ZNF280B: variants seen among roughly 807,000 people sequenced by gnomAD.
The protein encoded by ZNF280B is suppressor of hairy wing homolog 2.
In ZNF280B, 16 loss-of-function variants were observed where a neutral mutation model predicts 38.0. That is an observed-to-expected ratio of 0.42 (90% CI 0.28 to 0.64). The LOEUF (loss-of-function observed/expected upper bound fraction) is 0.64. ZNF280B is among the 30% of genes least tolerant of loss of function. ZNF280B has a pLI of 0.21. For missense variants in ZNF280B, 581 were observed against 639.6 expected (o/e 0.91, Z 0.99); for synonymous variants, 253 against 230.6 (o/e 1.10, Z -0.88).
At chr22:22,496,845 T>G (rs1601717013) in intron 2 of ZNF280B, among the ~76,000 whole-genome samples, 3 of 139,362 alleles carry the variant, frequency 2.2e-5, no homozygotes, top group Admixed American at 7.6e-5. Flanking sequence ...GAGATGGGAG[T>G]CTCGCTCTGT....
chr22:22,495,859 T>C (rs1371129875), intron 2 of ZNF280B, among the ~76,000 whole-genome samples: 1 of 151,368 alleles, frequency 6.6e-6, no homozygotes, highest in Non-Finnish European at 1.5e-5. Context: ...AGTGGCACAG[T>C]CTTGTGCACA....
chr22:22,485,341 G>A lies in ZNF280B; in HGVS notation c.*2426C>T, dbSNP rs913825456. On this transcript the variant is annotated 3_prime_UTR_variant, in exon 4 of 4. Transcript: ENST00000626650. ...AAGTCTGTAGATCTATTTATACACA[G>A]TGGGAGTATCTACCTGAGACAAGAA... 6.6e-6 allele frequency: 1 copy of A among 151,896 alleles called. No individual in the cohort carries two copies. The highest frequency in any genetic ancestry group is 1.5e-5 in the Non-Finnish European group (1 of 67,998). The allele number at this position is 151,896 out of a possible 1,614,324, so 9.4% of individuals were successfully genotyped here.
chr22:22,500,733 C>T (rs546554545), intron 2 of ZNF280B, among the ~76,000 whole-genome samples: 8 of 151,700 alleles, frequency 5.3e-5, no homozygotes, highest in Non-Finnish European at 2.9e-5. Context: ...GTGGCAGGCA[C>T]CTATAAACCC....
rs1047342423 is a variant in ZNF280B at position 22,508,698 on chromosome 22, C to T, written c.-287G>A. ...TGCTGTTCGCGAGCTGCCGGCCACG[C>T]ACCAGCCCCGGAGGCGCTCCCGGGG... On this transcript the variant is annotated 5_prime_UTR_variant, in exon 1 of 4. Transcript: ENST00000626650. 5 of 151,958 alleles carry T rather than the reference C, an allele frequency of 3.3e-5. No individual in the cohort carries two copies. Among genetic ancestry groups the T allele is most frequent in the Admixed American group, 2.0e-4 (3 of 15,260 alleles). The allele number at this position is 151,958 out of a possible 1,614,324, so 9.4% of individuals were successfully genotyped here.
intron 3 of ZNF280B, among the ~76,000 whole-genome samples, chr22:22,492,639 C>G (rs1351506940): frequency 6.6e-6 from 1 of 151,904 alleles, no homozygotes; most frequent in Non-Finnish European, 1.5e-5. Context: ...GTAATCCCAG[C>G]ACTTTGGGAG....
At chr22:22,506,932 C>A (rs572027529) in intron 2 of ZNF280B, among the ~76,000 whole-genome samples, 2 of 152,034 alleles carry the variant, frequency 1.3e-5, no homozygotes, top group East Asian at 3.9e-4. Context: ...AGCCCTCTCC[C>A]ACTAACAGGG....
intron 3 of ZNF280B, among the ~76,000 whole-genome samples, chr22:22,491,175 T>C (rs1378562131): frequency 6.6e-6 from 1 of 151,814 alleles, no homozygotes; most frequent in East Asian, 2.0e-4. Context: ...TCAATAAATA[T>C]CGACTCTCCT....
intron 2 of ZNF280B, among the ~76,000 whole-genome samples, chr22:22,499,360 G>A (rs2146823951): frequency 6.6e-6 from 1 of 151,820 alleles, no homozygotes; most frequent in East Asian, 2.0e-4. Flanking sequence ...CGCCTCCCGG[G>A]TTCAAGCAAT....
At chr22:22,491,650 G>C (rs1048091229) in intron 3 of ZNF280B, among the ~76,000 whole-genome samples, 1 of 151,636 alleles carries the variant, frequency 6.6e-6, no homozygotes, top group African/African-American at 2.4e-5. Flanking sequence ...AGTAGAGACG[G>C]AGTTTCACTG....
At chr22:22,508,499 T>C (rs1044988094) in intron 1 of ZNF280B, among the ~76,000 whole-genome samples, 160 bp downstream of exon 1, 6 of 151,748 alleles carry the variant, frequency 4.0e-5, no homozygotes, top group Non-Finnish European at 7.4e-5. Context: ...GACCTGCTTC[T>C]GCCCTGCACT....
At position 22,488,015 on chromosome 22, in the gene ZNF280B, A is replaced by G; in HGVS notation, c.1384T>C (p.Cys462Arg). ...AAAAACTGTAGCCGGCACTTGGAAC[A>G]CTGGTGTGCACTCTTTCCCCAGTGG... ...RGHWGKSAHQ[C>R]SKCRLQFLTF... Residue 462 changes from cysteine to arginine, a missense_variant, in exon 4 of 4, where the codon TGT becomes CGT. Coordinates refer to ENST00000626650, the MANE Select transcript of ZNF280B (RefSeq NM_080764.4). 1 of 1,613,664 alleles carries G rather than the reference A, an allele frequency of 6.2e-7. No individual in the cohort carries two copies. The highest frequency in any genetic ancestry group is 8.5e-7 in the Non-Finnish European group (1 of 1,179,932).
intron 3 of ZNF280B, among the ~76,000 whole-genome samples, chr22:22,490,125 A>G (rs1315662420): frequency 6.6e-6 from 1 of 151,938 alleles, no homozygotes; most frequent in African/African-American, 2.4e-5. Context: ...CAGGCAGATA[A>G]TCTCATCCCA....
At chr22:22,491,356 T>C (rs761182778) in intron 3 of ZNF280B, among the ~76,000 whole-genome samples, 110 of 151,684 alleles carry the variant, frequency 7.3e-4, no homozygotes, top group Non-Finnish European at 1.3e-3. Context: ...AAAAAAGTTA[T>C]ATGGAGTCCA....
intron 2 of ZNF280B, among the ~76,000 whole-genome samples, chr22:22,496,404 G>A (rs1189407205): frequency 6.6e-6 from 1 of 151,808 alleles, no homozygotes; most frequent in Non-Finnish European, 1.5e-5. Flanking sequence ...GGCCTCTCAG[G>A]CTAGTTTCAA....
chr22:22,489,174 A>G lies in ZNF280B; in HGVS notation c.225T>C (p.Tyr75=), dbSNP rs1200043726. 2 of 1,613,826 alleles carry G rather than the reference A, an allele frequency of 1.2e-6. No individual in the cohort carries two copies. The highest frequency in any genetic ancestry group is 1.7e-6 in the Non-Finnish European group (2 of 1,179,946). Residue 75 remains tyrosine, a synonymous_variant, in exon 4 of 4, where the codon TAT becomes TAC. Coordinates refer to ENST00000626650, the MANE Select transcript of ZNF280B (RefSeq NM_080764.4). ...GAGCAGTATCTTTTCTAAGGTGATC[A>G]TACTTTTTTCTCCTTGACCATGAAC... ...TPGSWSRRKK[Y]DHLRKDTARK...
intron 2 of ZNF280B, among the ~76,000 whole-genome samples, chr22:22,504,215 C>T (rs1258496613): frequency 6.6e-6 from 1 of 151,812 alleles, no homozygotes; most frequent in Non-Finnish European, 1.5e-5. Flanking sequence ...AGGTGGCTCA[C>T]GAGGCCAGGA....
At chr22:22,500,857 T>C (rs1468437813) in intron 2 of ZNF280B, among the ~76,000 whole-genome samples, 2 of 149,196 alleles carry the variant, frequency 1.3e-5, no homozygotes, top group Non-Finnish European at 3.0e-5. Context: ...GAAACTCTGT[T>C]TCAAAAAAAA....
At chr22:22,505,454 T>G (rs1305525403) in intron 2 of ZNF280B, among the ~76,000 whole-genome samples, 1 of 151,826 alleles carries the variant, frequency 6.6e-6, no homozygotes, top group Non-Finnish European at 1.5e-5. Flanking sequence ...TAGTCCCAGC[T>G]ACTCGGGAGG....
chr22:22,486,147 A>C lies in ZNF280B; in HGVS notation c.*1620T>G, dbSNP rs1029421474. ...ACAGCATTAGTGTCAAAAAACTGGG[A>C]AACTATACATTTAACAGAATAGCTG... On this transcript the variant is annotated 3_prime_UTR_variant, in exon 4 of 4. Coordinates refer to ENST00000626650, the MANE Select transcript of ZNF280B (RefSeq NM_080764.4). 6.6e-6 allele frequency: 1 copy of C among 152,036 alleles called. No homozygotes were observed. Among genetic ancestry groups the C allele is most frequent in the Non-Finnish European group, 1.5e-5 (1 of 68,028 alleles). 9.4% of individuals were successfully genotyped at this position (152,036 alleles called of 1,614,324 possible).
Sources: allele counts gnomAD v4.1 joint callset (sites outside exome capture counted in the v4.1 genomes callset), GRCh38; gene constraint gnomAD v4.1.1; transcripts MANE v1.5; gene names NCBI Gene and HGNC (gene_info 2026-07-23, HGNC 2026-07-21).